KLF5: variants seen among roughly 807,000 people sequenced by gnomAD.
KLF5 encodes Krueppel-like factor 5.
Under a neutral mutation model 36.9 loss-of-function variants are expected in KLF5, and 9 were observed. The observed-to-expected ratio is 0.24, with a 90% CI of 0.15 to 0.43. The LOEUF is 0.43. Ranked by LOEUF, KLF5 falls within the 20% of genes least tolerant of loss-of-function variation. KLF5 has a pLI of 1.00. For missense variants in KLF5, 524 were observed against 599.5 expected (o/e 0.87, Z 1.31); for synonymous variants, 246 against 241.7 (o/e 1.02, Z -0.17).
At position 73,075,977 on chromosome 13, in the gene KLF5, AAGCAAG is replaced by A; in HGVS notation, c.*93_*98del. On this transcript the variant is annotated 3_prime_UTR_variant, in exon 4 of 4. Coordinates refer to ENST00000377687, the MANE Select transcript of KLF5 (RefSeq NM_001730.5). Reference sequence around the variant, plus strand: ...GTGTAAAAACAACAAAAACAAACAAAAGCAAGAAAACCACAACTAAAACTGGAAATG... The same window carrying A: ...GTGTAAAAACAACAAAAACAAACAAAAAAACCACAACTAAAACTGGAAATG... The A allele has an allele frequency of 3.8e-6, 4 of 1,064,094 alleles. No homozygotes were observed. Among genetic ancestry groups the A allele is most frequent in the Non-Finnish European group, 5.1e-6 (4 of 785,176 alleles). The allele number at this position is 1,064,094 out of a possible 1,614,324, so 65.9% of individuals were successfully genotyped here.
At chr13:73,071,112 T>G (rs2044719116) in intron 3 of KLF5, among the ~76,000 whole-genome samples, 1 of 152,224 alleles carries the variant, frequency 6.6e-6, no homozygotes, top group African/African-American at 2.4e-5. Flanking sequence ...AAAATACAAC[T>G]ATTTGAAGCC....
chr13:73,065,101 A>G (rs1358114150), intron 3 of KLF5, among the ~76,000 whole-genome samples: 1 of 152,242 alleles, frequency 6.6e-6, no homozygotes, highest in African/African-American at 2.4e-5. Context: ...ACCTAGCAAA[A>G]TGTATTATTC....
Position 73,062,346 on chromosome 13 carries a change from G to A in KLF5, c.747G>A (p.Met249Ile). The change falls in exon 2 of 4, where the codon ATG becomes ATA. Residue 249 changes from methionine (M) to isoleucine (I), a missense_variant. Coordinates refer to ENST00000377687, the MANE Select transcript of KLF5 (RefSeq NM_001730.5). ...GTTCTACAAATCAGACAGCAGCAAT[G>A]GACACTCTTAATGTTTCTATGTCAG... is the stretch of plus-strand genomic sequence containing the variant. ...MPSSTNQTAA[M>I]DTLNVSMSAA... is the part of the protein sequence containing the mutation. The A allele has an allele frequency of 6.2e-7, 1 of 1,614,152 alleles. No individual in the cohort carries two copies. The highest frequency in any genetic ancestry group is 1.3e-5 in the African/African-American group (1 of 75,014).
rs1212955972 is a variant in KLF5 at position 73,077,342 on chromosome 13, A to T, written c.*1456A>T. 6.6e-6 allele frequency: 1 copy of T among 152,666 alleles called. No individual in the cohort carries two copies. Among genetic ancestry groups the T allele is most frequent in the East Asian group, 1.9e-4 (1 of 5,192 alleles). 9.5% of individuals were successfully genotyped at this position (152,666 alleles called of 1,614,324 possible). On this transcript the variant is annotated 3_prime_UTR_variant, in exon 4 of 4. Transcript: ENST00000377687. ...TTGTAAGAGGCTTCAAAATGTTTAT[A>T]CGTGGAAACACACCTACATGAAAAG...
In KLF5 at chr13:73,063,514, A is replaced by T. The variant is rs190803960; in HGVS notation, c.1136-310A>T. Among the ~76,000 whole-genome samples, 8 of 152,316 alleles carry T rather than the reference A, an allele frequency of 5.3e-5. No homozygotes were observed. In the East Asian group the frequency reaches 5.8e-4, roughly 11 times the overall value. ...CAGCTCTAGAGCCATTAAAATTTTT[A>T]AAAAAACATATAGCAGCTCTTAATA... On this transcript the variant is annotated intron_variant, in intron 2 of 3. Coordinates refer to ENST00000377687, the MANE Select transcript of KLF5 (RefSeq NM_001730.5).
In KLF5 at chr13:73,076,871, CGA is replaced by C. The variant is rs2139121951; in HGVS notation, c.*988_*989del. ...AATTGATGATGCAGTTTTCATATAT[CGA>C]GATGTTCGCTCGTGCAGTACTGTTG... On this transcript the variant is annotated 3_prime_UTR_variant, in exon 4 of 4. Coordinates refer to ENST00000377687, the MANE Select transcript of KLF5 (RefSeq NM_001730.5). 6.6e-6 allele frequency: 1 copy of C among 152,200 alleles called. No homozygotes were observed. The highest frequency in any genetic ancestry group is 6.5e-5 in the Admixed American group (1 of 15,276). 9.4% of individuals were successfully genotyped at this position (152,200 alleles called of 1,614,324 possible).
At position 73,075,763 on chromosome 13, in the gene KLF5, G is replaced by C. The variant is rs151120175; in HGVS notation, c.1251G>C (p.Ser417=). 49 of 1,612,584 alleles carry C rather than the reference G, an allele frequency of 3.0e-5. No homozygotes were observed. The highest frequency in any genetic ancestry group is 4.0e-5 in the Non-Finnish European group (47 of 1,179,134). The part of the protein sequence containing the change: ...WEGCDWRFAR[S]DELTRHYRKH... ...GCTGCGACTGGAGGTTCGCGCGATC[G>C]GATGAGCTGACCCGCCACTACCGGA... The change falls in exon 4 of 4, where the codon TCG becomes TCC. Residue 417 remains serine, a synonymous_variant. Transcript: ENST00000377687.
chr13:73,075,031 C>G (rs891173832), intron 3 of KLF5: 2 of 151,830 alleles, frequency 1.3e-5, no homozygotes, highest in African/African-American at 4.8e-5. Context: ...GTTATCAGTA[C>G]CAGACTATTT....
Position 73,059,157 on chromosome 13 carries a change from G to A in KLF5, c.-171G>A, listed in dbSNP as rs1263441941. ...CGTTTACGTGTGGAAGAGCGGAAGA[G>A]TTTTGCTTTTCGTGCGCGCCTTCGA... On this transcript the variant is annotated 5_prime_UTR_variant, in exon 1 of 4. Transcript: ENST00000377687. The A allele has an allele frequency of 2.0e-6, 1 of 508,902 alleles. No homozygotes were observed. The highest frequency in any genetic ancestry group is 2.0e-5 in the African/African-American group (1 of 50,248). The allele number at this position is 508,902 out of a possible 1,614,324, so 31.5% of individuals were successfully genotyped here. A position where few individuals can be genotyped will look rare whatever the true frequency, so the allele number is the denominator to read the frequency against.
intron 1 of KLF5, 46 bp from the exon 2 acceptor site, chr13:73,061,815 A>G: frequency 6.4e-7 from 1 of 1,567,808 alleles, no homozygotes; most frequent in Non-Finnish European, 8.7e-7. Flanking sequence ...TCTTCCCGAG[A>G]TGGTGAATCA....
chr13:73,071,027 G>A (rs1306800308), intron 3 of KLF5, among the ~76,000 whole-genome samples: 8 of 152,158 alleles, frequency 5.3e-5, no homozygotes, highest in Non-Finnish European at 1.2e-4. Flanking sequence ...GATGCATTAG[G>A]GAAAGTGTGG....
chr13:73,064,514 C>A (rs373426768), intron 3 of KLF5, among the ~76,000 whole-genome samples: 142 of 152,178 alleles, frequency 9.3e-4, no homozygotes, highest in African/African-American at 3.0e-3. Context: ...AAGTTTAGCT[C>A]CTCTACTTTT....
chr13:73,059,651 G>C (rs1254295893), intron 1 of KLF5, 63 bp downstream of exon 1: 1 of 1,103,692 alleles, frequency 9.1e-7, no homozygotes, highest in Non-Finnish European at 1.1e-6. Flanking sequence ...CCGTTGCTGC[G>C]ACTCGCGGGC....
At chr13:73,068,914 A>T (rs1405884509) in intron 3 of KLF5, among the ~76,000 whole-genome samples, 2 of 151,874 alleles carry the variant, frequency 1.3e-5, no homozygotes, top group Non-Finnish European at 2.9e-5. Flanking sequence ...TGGCCAACAT[A>T]GTGAAACCCT....
At chr13:73,072,977 A>G (rs1001664554) in intron 3 of KLF5, among the ~76,000 whole-genome samples, 1 of 152,232 alleles carries the variant, frequency 6.6e-6, no homozygotes, top group Non-Finnish European at 1.5e-5. Flanking sequence ...GCCTTTGGAA[A>G]GTTTCACGTT....
chr13:73,065,322 G>T (rs542833083), intron 3 of KLF5, among the ~76,000 whole-genome samples: 4 of 152,356 alleles, frequency 2.6e-5, no homozygotes, highest in African/African-American at 9.6e-5. Context: ...TATGGTTGCA[G>T]ACATTTTGTA....
upstream of KLF5, among the ~76,000 whole-genome samples, chr13:73,058,622 GACGTGCA>G (rs530240891): frequency 1.4e-4 from 21 of 152,342 alleles, no homozygotes; most frequent in South Asian, 4.3e-3. Context: ...CAACACCTAA[GACGTGCA>G]ATACTCTTTT....
At chr13:73,072,490 T>A (rs913244555) in intron 3 of KLF5, among the ~76,000 whole-genome samples, 12 of 152,230 alleles carry the variant, frequency 7.9e-5, no homozygotes, top group Admixed American at 7.9e-4. Flanking sequence ...TAGCTGACCT[T>A]CGCAAGTGGC....
rs2044684106 is a variant in KLF5 at position 73,066,924 on chromosome 13, T to C, written c.1195+3041T>C. 1.3e-5 allele frequency among the ~76,000 whole-genome samples: 2 copies of C among 152,206 alleles called. 1 individual carries two copies. Among genetic ancestry groups the C allele is most frequent in the South Asian group, 4.1e-4 (2 of 4,834 alleles). On this transcript the variant is annotated intron_variant, in intron 3 of 3. Coordinates refer to ENST00000377687, the MANE Select transcript of KLF5 (RefSeq NM_001730.5). ...TTGCTTCTATTCTAGGGAATAATTA[T>C]ATTTTATTTATATCTGTACATACAT...
Sources: allele counts gnomAD v4.1 joint callset (sites outside exome capture counted in the v4.1 genomes callset), GRCh38; gene constraint gnomAD v4.1.1; transcripts MANE v1.5; gene names NCBI Gene and HGNC (gene_info 2026-07-23, HGNC 2026-07-21).